NTM: variants seen among roughly 807,000 people sequenced by gnomAD.
NTM encodes the protein IgLON family member 2.
A neutral mutation model predicts 42.1 loss-of-function variants in NTM; 13 were observed. The observed-to-expected ratio is 0.31, with a 90% CI of 0.20 to 0.49. The LOEUF is 0.49. Among genes scored for constraint, NTM ranks in the 20% least tolerant of loss-of-function variants. The probability of loss-of-function intolerance (pLI) is 0.99; values close to 1 mark genes in which losing one functional copy is unlikely to be tolerated. For synonymous variants in NTM, 187 were observed against 179.2 expected, an observed-to-expected ratio of 1.04 and a Z score of -0.35; for missense variants, 373 against 452.8, an observed-to-expected ratio of 0.82 and a Z score of 1.60.
intron 1 of NTM, among the ~76,000 whole-genome samples, chr11:131,399,834 A>C (rs766973365): frequency 3.3e-5 from 5 of 152,138 alleles, no homozygotes; most frequent in Admixed American, 1.3e-4. Context: ...CCAGCATAGA[A>C]ATTGATGGCT....
chr11:131,675,007 T>C lies in NTM; in HGVS notation c.83-236557T>C, dbSNP rs535913861. ...ATTTCCTGCATTCATCCCACCATAT[T>C]TGAAGACTCTTTTCTTTTCAAATGC... On this transcript the variant is annotated intron_variant, in intron 1 of 8. Coordinates refer to ENST00000683400, the MANE Select transcript of NTM (RefSeq NM_001352005.2). Among the ~76,000 whole-genome samples the C allele has an allele frequency of 5.3e-5, 8 of 152,364 alleles. No individual in the cohort carries two copies. The South Asian group carries it at 6.2e-4, about 12-fold the overall frequency.
rs60211189 is a variant in NTM, at chr11:131,710,911, C to T, written c.83-200653C>T. Among the ~76,000 whole-genome samples, 1,100 of 152,130 alleles carry T rather than the reference C, an allele frequency of 7.2e-3. 10 individuals carry two copies. The highest frequency in any genetic ancestry group is 0.024 in the African/African-American group (1,007 of 41,526). ...ATGGACATTCCTCCTTGTAGAAATG[C>T]CTTTTCCCTGCCCCTGTCCCCACCA... On this transcript the variant is annotated intron_variant, in intron 1 of 8. Coordinates refer to ENST00000683400, the MANE Select transcript of NTM (RefSeq NM_001352005.2).
At chr11:131,839,465 A>G (rs1183555118) in intron 1 of NTM, among the ~76,000 whole-genome samples, 1 of 152,214 alleles carries the variant, frequency 6.6e-6, no homozygotes, top group Non-Finnish European at 1.5e-5. Flanking sequence ...CACCTGAGGA[A>G]GCAGCCAGGG....
At chr11:131,504,603 T>C (rs2136401148) in intron 1 of NTM, among the ~76,000 whole-genome samples, 1 of 152,264 alleles carries the variant, frequency 6.6e-6, no homozygotes, top group Non-Finnish European at 1.5e-5. Flanking sequence ...ACCAAAATTG[T>C]GTGTGCTGCT....
intron 1 of NTM, among the ~76,000 whole-genome samples, chr11:131,469,673 C>A (rs1034613128): frequency 6.6e-6 from 1 of 152,192 alleles, no homozygotes; most frequent in Non-Finnish European, 1.5e-5. Flanking sequence ...GGGCTAAACC[C>A]ATGTACTACC....
chr11:131,916,748 G>T (rs556837523), intron 2 of NTM, among the ~76,000 whole-genome samples: 2 of 152,254 alleles, frequency 1.3e-5, no homozygotes, highest in South Asian at 4.1e-4. Context: ...CTCCTAATCC[G>T]CAGCACATGG....
intron 2 of NTM, among the ~76,000 whole-genome samples, chr11:132,111,819 C>T (rs1299748052): frequency 6.6e-6 from 1 of 152,246 alleles, no homozygotes; most frequent in African/African-American, 2.4e-5. Context: ...CACTTGGAAG[C>T]TGGATCTGTC....
intron 4 of NTM, among the ~76,000 whole-genome samples, chr11:132,296,008 G>A (rs1448687692): frequency 6.6e-6 from 1 of 152,170 alleles, no homozygotes; most frequent in African/African-American, 2.4e-5. Flanking sequence ...AAACAGCAGG[G>A]TTTGTTGATT....
chr11:132,144,567 T>C (rs921214214), intron 2 of NTM, among the ~76,000 whole-genome samples: 1 of 152,238 alleles, frequency 6.6e-6, no homozygotes, highest in African/African-American at 2.4e-5. Context: ...GAAACATTAG[T>C]GTGTGTATGA....
intron 4 of NTM, among the ~76,000 whole-genome samples, chr11:132,278,454 C>T (rs1419779907): frequency 2.6e-5 from 4 of 152,184 alleles, no homozygotes. Context: ...CGTGGCCTCT[C>T]CAAGTAGTCT....
At position 131,630,794 on chromosome 11, in the gene NTM, T is replaced by C. The variant is rs780516782; in HGVS notation, c.82+259906T>C. Among the ~76,000 whole-genome samples, 118 of 152,202 alleles carry C rather than the reference T, an allele frequency of 7.8e-4. 4 individuals carry two copies. Among genetic ancestry groups the C allele is most frequent in the Non-Finnish European group, 1.5e-4 (10 of 68,034 alleles). ...TCTGTATTGCAGCTCCAGTCTTTTA[T>C]TGAATAGTTTTCTCTCCTTATCTTT... On this transcript the variant is annotated intron_variant, in intron 1 of 8. Coordinates refer to ENST00000683400, the MANE Select transcript of NTM (RefSeq NM_001352005.2).
At chr11:132,101,442 C>T (rs1479106169) in intron 2 of NTM, among the ~76,000 whole-genome samples, 7 of 152,098 alleles carry the variant, frequency 4.6e-5, no homozygotes, top group African/African-American at 9.7e-5. Context: ...GGAAGTTACA[C>T]AAAGACTAGC....
At chr11:131,740,361 A>ATGTTAGGATGATT (rs2081031016) in intron 1 of NTM, among the ~76,000 whole-genome samples, 1 of 152,188 alleles carries the variant, frequency 6.6e-6, no homozygotes, top group African/African-American at 2.4e-5. Context: ...CAAAATGAAT[A>ATGTTAGGATGATT]CTCACAATGA....
intron 1 of NTM, among the ~76,000 whole-genome samples, chr11:131,411,540 CGTGTGTGTGTGTGTGTGTGTGT>C (rs5795724): frequency 2.8e-4 from 36 of 129,716 alleles, no homozygotes; most frequent in African/African-American, 9.0e-4. Flanking sequence ...TAGGGGGGGC[CGTGTGTGTGTGTGTGTGTGTGT>C]GTGTGTGTGT....
intron 1 of NTM, among the ~76,000 whole-genome samples, chr11:131,438,425 A>T (rs1949325613): frequency 6.6e-6 from 1 of 152,196 alleles, no homozygotes; most frequent in African/African-American, 2.4e-5. Flanking sequence ...CACCAGTCAG[A>T]CGTAGATTTG....
chr11:131,711,422 C>A (rs1229372900), intron 1 of NTM, among the ~76,000 whole-genome samples: 2 of 152,124 alleles, frequency 1.3e-5, no homozygotes, highest in Admixed American at 6.5e-5. Context: ...AAATCAAAAC[C>A]ACAATGAGAT....
At chr11:131,737,633 C>G (rs975744961) in intron 1 of NTM, among the ~76,000 whole-genome samples, 1 of 152,118 alleles carries the variant, frequency 6.6e-6, no homozygotes, top group Non-Finnish European at 1.5e-5. Flanking sequence ...TTGCAATGTC[C>G]GTGCTCTCTG....
At chr11:131,455,984 G>A (rs1374551750) in intron 1 of NTM, among the ~76,000 whole-genome samples, 2 of 152,248 alleles carry the variant, frequency 1.3e-5, no homozygotes, top group African/African-American at 4.8e-5. Flanking sequence ...GTTATTCATT[G>A]TTCTGAAAGA....
chr11:132,182,607 G>T (rs1380549212), intron 3 of NTM, among the ~76,000 whole-genome samples: 1 of 152,148 alleles, frequency 6.6e-6, no homozygotes, highest in East Asian at 1.9e-4. Context: ...GAGGGGTGAG[G>T]TGGTGAAAAC....
Sources: allele counts gnomAD v4.1 joint callset (sites outside exome capture counted in the v4.1 genomes callset), GRCh38; gene constraint gnomAD v4.1.1; transcripts MANE v1.5; gene names NCBI Gene and HGNC (gene_info 2026-07-23, HGNC 2026-07-21).